Variants in PARP11 observed in about 807,000 individuals in gnomAD.
PARP11 encodes the protein poly(ADP-ribose) polymerase family member 11.
PARP11 carries 31 observed loss-of-function variants against 42.9 expected under a neutral mutation model. The observed-to-expected ratio is 0.72, with a 90% CI of 0.54 to 0.98. The LOEUF is 0.98. PARP11 is among the 50% of genes least tolerant of loss of function. The pLI, the probability that PARP11 is intolerant of heterozygous loss-of-function variation, is 0.00. For missense variants in PARP11, 365 were observed against 413.1 expected, an observed-to-expected ratio of 0.88 and a Z score of 1.01; for synonymous variants, 137 against 127.3, an observed-to-expected ratio of 1.08 and a Z score of -0.51.
At chr12:3,841,989 A>G (rs776546428) in intron 1 of PARP11, 36 of 1,610,912 alleles carry the variant, frequency 2.2e-5, no homozygotes, top group East Asian at 8.9e-5. Context: ...GGACAGAGCA[A>G]TCTTCCCAGA....
intron 1 of PARP11, among the ~76,000 whole-genome samples, chr12:3,851,009 T>C (rs1397382692): frequency 1.3e-5 from 2 of 152,198 alleles, no homozygotes; most frequent in African/African-American, 4.8e-5. Flanking sequence ...TCACAGAGAA[T>C]CCATGCCACT....
chr12:3,819,736 G>T lies in PARP11; in HGVS notation c.548+2137C>A, dbSNP rs141113424. On this transcript the variant is annotated intron_variant, in intron 6 of 7. Transcript: ENST00000228820. Reference sequence around the variant, plus strand: ...TAAGGCCCCACGTGGTCTAGCCCCCGCTAACTCTCTGACTTCCACTCTGGT... The same window carrying T: ...TAAGGCCCCACGTGGTCTAGCCCCCTCTAACTCTCTGACTTCCACTCTGGT... Among the ~76,000 whole-genome samples the T allele has an allele frequency of 1.9e-4, 29 of 152,220 alleles. No individual in the cohort carries two copies. The East Asian group carries it at 5.2e-3, about 27-fold the overall frequency.
chr12:3,854,342 C>T (rs1324568930), intron 1 of PARP11, among the ~76,000 whole-genome samples: 2 of 152,130 alleles, frequency 1.3e-5, no homozygotes, highest in Non-Finnish European at 2.9e-5. Context: ...ACAAATGACT[C>T]CAGGAGCTGG....
Position 3,840,275 on chromosome 12 carries a change from CAAAG to C in PARP11, c.19-10261_19-10258del. The stretch of plus-strand genomic sequence containing the variant: ...GTTGAAGAACTGGGAAAGTACACAT[CAAAG>C]AACCTCAAGGCACCTCCCCCAGAAA... On this transcript the variant is annotated intron_variant, in intron 1 of 7. Coordinates refer to ENST00000228820, the MANE Select transcript of PARP11 (RefSeq NM_020367.6). The surrounding 1 kb of genome is among the most constrained non-coding windows in gnomAD (Gnocchi z 4.4). 6.2e-7 allele frequency: 1 copy of C among 1,613,902 alleles called. No individual in the cohort carries two copies. Among genetic ancestry groups the C allele is most frequent in the Non-Finnish European group, 8.5e-7 (1 of 1,179,790 alleles).
chr12:3,847,357 A>T (rs1400795196), intron 1 of PARP11, among the ~76,000 whole-genome samples: 2 of 152,226 alleles, frequency 1.3e-5, no homozygotes, highest in Non-Finnish European at 2.9e-5. Flanking sequence ...CCCAATAAGG[A>T]CACAACAAAC....
At chr12:3,814,584 T>C (rs1189452844) in intron 6 of PARP11, among the ~76,000 whole-genome samples, 1 of 152,208 alleles carries the variant, frequency 6.6e-6, no homozygotes, top group Non-Finnish European at 1.5e-5. Flanking sequence ...GATCATGTCA[T>C]ATGCTTTTTA....
At chr12:3,817,107 C>T (rs568988281) in intron 6 of PARP11, among the ~76,000 whole-genome samples, 1 of 152,130 alleles carries the variant, frequency 6.6e-6, no homozygotes, top group South Asian at 2.1e-4. Flanking sequence ...AGGAGAATGG[C>T]ATGAACCCCG....
rs568648683 is a variant in PARP11 at position 3,839,875 on chromosome 12, G to C, written c.19-9857C>G. The C allele has an allele frequency of 1.7e-3, 1,777 of 1,069,384 alleles. 3 individuals carry two copies. Among genetic ancestry groups the C allele is most frequent in the Non-Finnish European group, 2.3e-3 (1,590 of 682,344 alleles). The allele number at this position is 1,069,384 out of a possible 1,614,324, so 66.2% of individuals were successfully genotyped here. A position where few individuals can be genotyped will look rare whatever the true frequency, so the allele number is the denominator to read the frequency against. ...AATTGTGATGGAACTAGACACGTTGGAAGTAGCTGATGAAGACAACAGTGA... is the reference window on the plus strand; with the variant it reads ...AATTGTGATGGAACTAGACACGTTGCAAGTAGCTGATGAAGACAACAGTGA... On this transcript the variant is annotated intron_variant, in intron 1 of 7. Coordinates refer to ENST00000228820, the MANE Select transcript of PARP11 (RefSeq NM_020367.6).
rs1947631194 is a variant in PARP11 at position 3,831,175 on chromosome 12, A to G, written c.19-1157T>C. Among the ~76,000 whole-genome samples the G allele has an allele frequency of 3.3e-5, 5 of 152,268 alleles. No homozygotes were observed. In the South Asian group the frequency reaches 1.0e-3, roughly 32 times the overall value. ...AAAGACTTTTTTAACCATCACTTCC[A>G]TTCCTGGTACCTTCTCACTTTTCTT... On this transcript the variant is annotated intron_variant, in intron 1 of 7. Coordinates refer to ENST00000228820, the MANE Select transcript of PARP11 (RefSeq NM_020367.6).
chr12:3,859,335 C>A (rs576472529), intron 1 of PARP11, among the ~76,000 whole-genome samples: 3 of 151,844 alleles, frequency 2.0e-5, no homozygotes, highest in Non-Finnish European at 4.4e-5. Flanking sequence ...GAGGCCGAGG[C>A]GAGTGGATCA....
At chr12:3,864,122 G>A (rs1028701508) in intron 1 of PARP11, among the ~76,000 whole-genome samples, 7 of 152,110 alleles carry the variant, frequency 4.6e-5, no homozygotes, top group African/African-American at 1.7e-4. Context: ...TCTATTCCTA[G>A]GCTGCTGAGA....
At chr12:3,815,661 T>C (rs920521889) in intron 6 of PARP11, among the ~76,000 whole-genome samples, 4 of 152,148 alleles carry the variant, frequency 2.6e-5, no homozygotes, top group African/African-American at 7.2e-5. Context: ...GAATGTATTT[T>C]GGTAACAGGG....
At chr12:3,873,182 G>A (rs1428762861) in intron 1 of PARP11, 30 bp downstream of exon 1, 8 of 1,520,706 alleles carry the variant, frequency 5.3e-6, no homozygotes, top group African/African-American at 1.4e-5. Context: ...CCCGCCCCCT[G>A]GGCCCGCCCC....
At chr12:3,854,946 G>C (rs1306288371) in intron 1 of PARP11, among the ~76,000 whole-genome samples, 1 of 152,172 alleles carries the variant, frequency 6.6e-6, no homozygotes, top group African/African-American at 2.4e-5. Flanking sequence ...CATCAAGTTG[G>C]CTTCATCCCT....
chr12:3,839,924 G>C, intron 1 of PARP11: 1 of 1,113,396 alleles, frequency 9.0e-7, no homozygotes, highest in Admixed American at 1.7e-5. Flanking sequence ...GAGGATGACA[G>C]CTGCAAGAGT....
At chr12:3,839,349 G>C (rs1947840110) in intron 1 of PARP11, 4 of 1,535,476 alleles carry the variant, frequency 2.6e-6, no homozygotes, top group African/African-American at 1.4e-5. Flanking sequence ...AGGGCGGCGC[G>C]GGGCCCCGCG....
intron 1 of PARP11, among the ~76,000 whole-genome samples, chr12:3,855,533 A>G (rs1459125896): frequency 6.6e-6 from 1 of 152,238 alleles, no homozygotes; most frequent in African/African-American, 2.4e-5. Flanking sequence ...CAATTGCTAC[A>G]AAGAGAATAA....
chr12:3,822,932 T>C (rs999516236), intron 4 of PARP11, among the ~76,000 whole-genome samples: 2 of 152,234 alleles, frequency 1.3e-5, no homozygotes, highest in Admixed American at 6.5e-5. Flanking sequence ...TCTCTGTTAA[T>C]TGCCCACTAT....
intron 1 of PARP11, among the ~76,000 whole-genome samples, chr12:3,846,144 C>A (rs1160438197): frequency 6.6e-6 from 1 of 151,990 alleles, no homozygotes; most frequent in African/African-American, 2.4e-5. Context: ...TGAATATATT[C>A]CTGTTTATTT....
Sources: gnomAD v4.1 joint callset for allele counts (sites outside exome capture counted in the v4.1 genomes callset) on GRCh38, gnomAD v4.1.1 for gene constraint, Gnocchi (gnomAD v3.1) non-coding constraint, MANE v1.5 for transcripts, NCBI Gene and HGNC (gene_info 2026-07-23, HGNC 2026-07-21) for gene names.